The following PTP4A2 variants were observed in gnomAD, a reference collection of about 807,000 sequenced individuals.
PTP4A2 encodes protein tyrosine phosphatase 4A2.
PTP4A2 carries 2 observed loss-of-function variants against 22.9 expected under a neutral mutation model. The ratio of observed to expected loss-of-function variants is 0.09; its 90% CI spans 0.04 to 0.27. The LOEUF (loss-of-function observed/expected upper bound fraction) is 0.27. Ranked by LOEUF, PTP4A2 falls within the 10% of genes least tolerant of loss-of-function variation. The pLI is 1.00. For synonymous variants in PTP4A2, 68 were observed against 69.1 expected, an observed-to-expected ratio of 0.98 and a Z score of 0.08; for missense variants, 103 against 205.1, an observed-to-expected ratio of 0.50 and a Z score of 3.04.
intron 1 of PTP4A2, among the ~76,000 whole-genome samples, chr1:31,928,223 A>G (rs1333002113): frequency 1.9e-5 from 2 of 102,874 alleles, no homozygotes; most frequent in Non-Finnish European, 4.0e-5. Flanking sequence ...ATATAAATAT[A>G]ATAATATAAT....
rs368295847 is a variant in PTP4A2 at position 31,923,460 on chromosome 1, G to T, written c.-593-3802C>A. Reference sequence around the variant, plus strand: ...CGCCATTCTCCTGCCTCAGCCTCCCGAGTAGCTGGGACTACAGGCGCCCGC... The same window carrying T: ...CGCCATTCTCCTGCCTCAGCCTCCCTAGTAGCTGGGACTACAGGCGCCCGC... On this transcript the variant is annotated intron_variant, in intron 1 of 5. Coordinates refer to ENST00000647444, the MANE Select transcript of PTP4A2 (RefSeq NM_080391.4). Among the ~76,000 whole-genome samples, 670 of 147,284 alleles carry T rather than the reference G, an allele frequency of 4.5e-3. 4 individuals are homozygous for T. Among genetic ancestry groups the T allele is most frequent in the African/African-American group, 0.016 (633 of 39,946 alleles).
In PTP4A2 at chr1:31,919,086, A is replaced by G. The variant is rs761718244; in HGVS notation, c.-21T>C. ...TTCATTATGGCAAATAAAAAGTGTG[A>G]GCGTGCGTGTGAGTGTGATGGGGAA... On this transcript the variant is annotated 5_prime_UTR_variant, in exon 2 of 6. Transcript: ENST00000647444. 4 of 1,292,766 alleles carry G rather than the reference A, an allele frequency of 3.1e-6. No individual in the cohort carries two copies. Among genetic ancestry groups the G allele is most frequent in the Non-Finnish European group, 4.5e-6 (4 of 891,712 alleles). 80.1% of individuals were successfully genotyped at this position (1,292,766 alleles called of 1,614,324 possible). A position where few individuals can be genotyped will look rare whatever the true frequency, so the allele number is the denominator to read the frequency against.
chr1:31,920,722 G>A (rs1222528750), intron 1 of PTP4A2, among the ~76,000 whole-genome samples: 1 of 151,736 alleles, frequency 6.6e-6, no homozygotes, highest in Non-Finnish European at 1.5e-5. Flanking sequence ...ATTTTTGGTA[G>A]AGACGGGGCT....
chr1:31,938,258 G>A lies in PTP4A2; in HGVS notation c.-865C>T. ...TCCGCTGCCGCCGCTGCCCTGTGGC[G>A]TCACCTCGCGCCGTGCCCGGCCGCC... On this transcript the variant is annotated 5_prime_UTR_variant, in exon 1 of 6. It adds an upstream start codon to the 5' untranslated region. Transcript: ENST00000647444. This position sits in a 1 kb window ranked among gnomAD's most constrained non-coding sequence, Gnocchi z 4.4. 1 of 152,514 alleles carries A rather than the reference G, an allele frequency of 6.6e-6. No individual in the cohort carries two copies. The highest frequency in any genetic ancestry group is 1.4e-5 in the Non-Finnish European group (1 of 69,558). 9.4% of individuals were successfully genotyped at this position (152,514 alleles called of 1,614,324 possible).
rs1651383520 is a variant in PTP4A2, at chr1:31,908,907, C to T, written c.449G>A (p.Arg150Gln). 3 of 1,614,038 alleles carry T rather than the reference C, an allele frequency of 1.9e-6. No individual in the cohort carries two copies. The highest frequency in any genetic ancestry group is 1.1e-5 in the South Asian group (1 of 91,074). Residue 150 changes from arginine to glutamine, a missense_variant, in exon 6 of 6, where the codon CGA (arginine) becomes CAA (glutamine). Arg to Gln is a conservative substitution (Grantham distance 43, BLOSUM62 1). Around this residue, in one of 3 missense-constraint regions of PTP4A2, gnomAD observed 35 missense variants for 64.5 expected, o/e 0.54. Coordinates refer to ENST00000647444, the MANE Select transcript of PTP4A2 (RefSeq NM_080391.4). ...TCTGAAGCGTAATCGCATCTTAGGTCGGTATTTCTCCAAATAAAGCAGCTG... is the reference window on the plus strand; with the variant it reads ...TCTGAAGCGTAATCGCATCTTAGGTTGGTATTTCTCCAAATAAAGCAGCTG... ...SKQLLYLEKYRPKMRLRFRDT... is the reference protein window; with the variant it reads ...SKQLLYLEKYQPKMRLRFRDT...
At chr1:31,930,769 A>G (rs1652693315) in intron 1 of PTP4A2, among the ~76,000 whole-genome samples, 1 of 152,222 alleles carries the variant, frequency 6.6e-6, no homozygotes, top group Non-Finnish European at 1.5e-5. Context: ...TGTACTGTCT[A>G]TCCACTAATT....
chr1:31,932,391 A>T (rs1652761757), intron 1 of PTP4A2, among the ~76,000 whole-genome samples: 1 of 152,256 alleles, frequency 6.6e-6, no homozygotes, highest in Admixed American at 6.5e-5. Flanking sequence ...CTAATCTTAA[A>T]ATTCTCAAGA....
intron 3 of PTP4A2, chr1:31,913,086 A>G (rs1250847800): frequency 7.0e-6 from 3 of 430,426 alleles, no homozygotes; most frequent in Admixed American, 2.8e-5. Flanking sequence ...TATTTTTAAA[A>G]AAATCATTAA....
At position 31,929,905 on chromosome 1, in the gene PTP4A2, G is replaced by A. The variant is rs181465026; in HGVS notation, c.-594+8082C>T. ...GAGCTATATCAGGACAGTTAAAATG[G>A]CTGTAACAGCTGCAAGTTCCCTGAG... On this transcript the variant is annotated intron_variant, in intron 1 of 5. Transcript: ENST00000647444. Among the ~76,000 whole-genome samples the A allele has an allele frequency of 2.2e-3, 331 of 152,284 alleles. 1 individual carries two copies. In the South Asian group the frequency reaches 0.023, roughly 11 times the overall value.
Position 31,915,887 on chromosome 1 carries a change from A to ACACT in PTP4A2, c.189+4_189+7dup. 1 of 1,554,396 alleles carries ACACT rather than the reference A, an allele frequency of 6.4e-7. No individual in the cohort carries two copies. Among genetic ancestry groups the ACACT allele is most frequent in the Non-Finnish European group, 8.7e-7 (1 of 1,144,968 alleles). On this transcript the variant is annotated splice_region_variant and intron_variant, in intron 3 of 5. Coordinates refer to ENST00000647444, the MANE Select transcript of PTP4A2 (RefSeq NM_080391.4). ...TTGTTTTGAAAAATTTAAATACTAC[A>ACACT]CACTCACTAGAACGTGGATTCCTTC... is the stretch of plus-strand genomic sequence containing the variant.
chr1:31,912,780 A>G (rs1011708758), intron 3 of PTP4A2, among the ~76,000 whole-genome samples: 9 of 152,192 alleles, frequency 5.9e-5, no homozygotes, highest in Non-Finnish European at 1.2e-4. Flanking sequence ...ACACTTTAAG[A>G]TATTAGGGGA....
At chr1:31,917,312 T>C (rs1479814308) in intron 2 of PTP4A2, among the ~76,000 whole-genome samples, 1 of 152,236 alleles carries the variant, frequency 6.6e-6, no homozygotes, top group African/African-American at 2.4e-5. Flanking sequence ...TGATATCCTA[T>C]AAGAAGGGTC....
intron 3 of PTP4A2, among the ~76,000 whole-genome samples, chr1:31,915,007 C>G (rs1651749275): frequency 1.3e-5 from 2 of 152,176 alleles, no homozygotes; most frequent in African/African-American, 4.8e-5. Flanking sequence ...AAGTTATCCA[C>G]AAAATATTAA....
At chr1:31,910,441 C>T in intron 4 of PTP4A2, 1 of 188,306 alleles carries the variant, frequency 5.3e-6, no homozygotes, top group Non-Finnish European at 1.1e-5. Context: ...AGGTGCCCGC[C>T]ACCATGCCCA....
chr1:31,926,603 G>C (rs1652476661), intron 1 of PTP4A2, among the ~76,000 whole-genome samples: 2 of 152,150 alleles, frequency 1.3e-5, no homozygotes, highest in South Asian at 4.1e-4. Flanking sequence ...CAACAGTAAA[G>C]AATTTATCCT....
intron 1 of PTP4A2, among the ~76,000 whole-genome samples, chr1:31,937,478 G>C (rs904059018): frequency 6.6e-6 from 1 of 151,164 alleles, no homozygotes; most frequent in Admixed American, 6.6e-5. Flanking sequence ...GACACACGCC[G>C]GCACACCCTA....
At chr1:31,918,262 A>C (rs1277482107) in intron 2 of PTP4A2, among the ~76,000 whole-genome samples, 1 of 152,166 alleles carries the variant, frequency 6.6e-6, no homozygotes, top group East Asian at 1.9e-4. Context: ...AAAAAAAAAA[A>C]ACTTATGTTC....
intron 1 of PTP4A2, chr1:31,921,411 G>A (rs1569614140): frequency 6.6e-6 from 1 of 151,922 alleles, no homozygotes; most frequent in East Asian, 1.9e-4. Context: ...TTTATTATTT[G>A]TCACATAATA....
At chr1:31,924,597 G>A (rs1438816989) in intron 1 of PTP4A2, among the ~76,000 whole-genome samples, 1 of 152,164 alleles carries the variant, frequency 6.6e-6, no homozygotes, top group South Asian at 2.1e-4. Flanking sequence ...TCCTAAAGTT[G>A]TCTCTCTGAC....
Sources: gnomAD v4.1 joint callset for allele counts (sites outside exome capture counted in the v4.1 genomes callset) on GRCh38, gnomAD v4.1.1 for gene constraint, gnomAD v4.1.1 regional missense constraint, Gnocchi (gnomAD v3.1) non-coding constraint, MANE v1.5 for transcripts, NCBI Gene and HGNC (gene_info 2026-07-23, HGNC 2026-07-21) for gene names.